Variants in SNX9 observed in about 807,000 individuals in gnomAD.
SNX9 encodes sorting nexin 9.
Under a neutral mutation model 89.4 loss-of-function variants are expected in SNX9, and 44 were observed. The ratio of observed to expected loss-of-function variants is 0.49; its 90% CI spans 0.39 to 0.63. The LOEUF (loss-of-function observed/expected upper bound fraction) is 0.63, where lower values mean the gene tolerates loss of function less well. Among genes scored for constraint, SNX9 ranks in the 30% least tolerant of loss-of-function variants. The pLI, the probability that SNX9 is intolerant of heterozygous loss-of-function variation, is 0.00. For missense variants in SNX9, 578 were observed against 736.1 expected (o/e 0.79, Z 2.49); for synonymous variants, 236 against 247.8 (o/e 0.95, Z 0.45).
intron 6 of SNX9, among the ~76,000 whole-genome samples, chr6:157,904,728 A>T (rs565828328): frequency 6.6e-6 from 1 of 152,292 alleles, no homozygotes; most frequent in African/African-American, 2.4e-5. Context: ...AATAAAATAG[A>T]GTAATTAATA....
At chr6:157,825,163 G>A (rs1367513961) in intron 1 of SNX9, among the ~76,000 whole-genome samples, 2 of 152,134 alleles carry the variant, frequency 1.3e-5, no homozygotes, top group Non-Finnish European at 2.9e-5. Flanking sequence ...CAGGAGAATC[G>A]CTTGAACCCG....
At chr6:157,825,118 C>T (rs1293393189) in intron 1 of SNX9, among the ~76,000 whole-genome samples, 1 of 152,054 alleles carries the variant, frequency 6.6e-6, no homozygotes, top group Non-Finnish European at 1.5e-5. Flanking sequence ...CGTGGTGGCG[C>T]GCGCCTGTAG....
intron 4 of SNX9, among the ~76,000 whole-genome samples, chr6:157,886,031 G>A (rs1443025680): frequency 6.6e-6 from 1 of 152,180 alleles, no homozygotes; most frequent in Non-Finnish European, 1.5e-5. Flanking sequence ...TAGTTACGAT[G>A]GAGACAGACA....
At chr6:157,924,832 G>T (rs978808354) in intron 10 of SNX9, among the ~76,000 whole-genome samples, 14 of 152,198 alleles carry the variant, frequency 9.2e-5, no homozygotes, top group Non-Finnish European at 1.8e-4. Flanking sequence ...AACCTGGGGG[G>T]TTTATTATAC....
chr6:157,851,155 G>C (rs1274281372), intron 1 of SNX9, among the ~76,000 whole-genome samples: 2 of 151,894 alleles, frequency 1.3e-5, no homozygotes, highest in African/African-American at 4.8e-5. Context: ...CTGCTCAGAA[G>C]GCTGAGGCAG....
chr6:157,870,032 CAT>C (rs1017045616), intron 2 of SNX9, among the ~76,000 whole-genome samples: 42 of 151,902 alleles, frequency 2.8e-4, no homozygotes, highest in African/African-American at 9.2e-4. Context: ...TGCTCACACA[CAT>C]AGGCAGCACT....
At chr6:157,911,387 G>A (rs1783340623) in intron 9 of SNX9, among the ~76,000 whole-genome samples, 1 of 152,188 alleles carries the variant, frequency 6.6e-6, no homozygotes, top group African/African-American at 2.4e-5. Flanking sequence ...AAGACAAGAG[G>A]CGGTGGAATT....
intron 4 of SNX9, among the ~76,000 whole-genome samples, chr6:157,893,855 AAAT>A: frequency 6.6e-6 from 1 of 152,170 alleles, no homozygotes; most frequent in East Asian, 1.9e-4. Flanking sequence ...TTATACATAA[AAAT>A]AAACAGCTAA....
Position 157,873,043 on chromosome 6 carries a change from C to G in SNX9, c.100-59C>G, listed in dbSNP as rs147105155. ...ATAACAATTCCTCCACACAAAATTTCTCCAGGAAATCTCAACTGTAATCTT... is the reference window on the plus strand; with the variant it reads ...ATAACAATTCCTCCACACAAAATTTGTCCAGGAAATCTCAACTGTAATCTT... On this transcript the variant is annotated intron_variant, in intron 2 of 17. Transcript: ENST00000392185. 9.8e-3 allele frequency: 13,737 copies of G among 1,400,830 alleles called. 96 individuals carry two copies. The highest frequency in any genetic ancestry group is 0.012 in the Non-Finnish European group (12,234 of 1,047,062). The allele number at this position is 1,400,830 out of a possible 1,614,324, so 86.8% of individuals were successfully genotyped here.
At chr6:157,911,882 T>C (rs1413002934) in intron 9 of SNX9, among the ~76,000 whole-genome samples, 1 of 152,228 alleles carries the variant, frequency 6.6e-6, no homozygotes, top group Admixed American at 6.5e-5. Context: ...CAAATTGTCA[T>C]AGCAAAATTG....
intron 9 of SNX9, among the ~76,000 whole-genome samples, chr6:157,911,815 CTT>C (rs757206487): frequency 1.3e-5 from 2 of 152,132 alleles, no homozygotes; most frequent in East Asian, 3.8e-4. Flanking sequence ...GAGATGGAAA[CTT>C]TTGTTTTAAA....
chr6:157,852,891 A>G (rs1361776967), intron 1 of SNX9, among the ~76,000 whole-genome samples: 1 of 152,072 alleles, frequency 6.6e-6, no homozygotes, highest in African/African-American at 2.4e-5. Context: ...TTTGTCATAC[A>G]TTTTATTTCC....
chr6:157,921,555 A>G lies in SNX9; in HGVS notation c.974A>G (p.Lys325Arg), dbSNP rs781739514. 6.2e-7 allele frequency: 1 copy of G among 1,613,860 alleles called. No homozygotes were observed. The highest frequency in any genetic ancestry group is 8.5e-7 in the Non-Finnish European group (1 of 1,179,786). The change falls in exon 10 of 18, where the codon AAA becomes AGA. Residue 325 changes from lysine to arginine, a missense_variant. This residue lies in a region of SNX9 where 348 missense variants were observed against 491.4 expected (regional missense o/e 0.71). Transcript: ENST00000392185. ...VTGRFEEEFI[K>R]MRMERLQAWM... ...GGCCGCTTTGAAGAGGAATTTATCA[A>G]AATGCGCATGGAGAGACTTCAGGCC...
chr6:157,938,503 CTT>C, intron 15 of SNX9, 128 bp from the exon 16 acceptor site: 1 of 586,084 alleles, frequency 1.7e-6, no homozygotes, highest in Non-Finnish European at 2.9e-6. Flanking sequence ...GCTTTCCTCT[CTT>C]CTTATTTTGT....
intron 2 of SNX9, among the ~76,000 whole-genome samples, chr6:157,867,980 C>T (rs1782303074): frequency 6.6e-6 from 1 of 152,092 alleles, no homozygotes; most frequent in Non-Finnish European, 1.5e-5. Flanking sequence ...CATAGTTGTC[C>T]TGGAACATGG....
chr6:157,872,395 C>T (rs921554021), intron 2 of SNX9, among the ~76,000 whole-genome samples: 5 of 152,104 alleles, frequency 3.3e-5, no homozygotes, highest in Admixed American at 3.3e-4. Context: ...CATAACAATC[C>T]TAAAACTTAC....
rs1562614634 is a variant in SNX9, at chr6:157,909,915, A to G, written c.839A>G (p.Asn280Ser). The change falls in exon 9 of 18, where the codon AAT becomes AGT. Residue 280 changes from asparagine (N) to serine (S), a missense_variant. Coordinates refer to ENST00000392185, the MANE Select transcript of SNX9 (RefSeq NM_016224.5). ...IEYQLTPTNTNRSVNHRYKHF... is the reference protein window; with the variant it reads ...IEYQLTPTNTSRSVNHRYKHF... ...CTTTCCCTTATTTTGTAGAACACTA[A>G]TCGATCTGTAAACCACAGGTATAAG... 1.2e-6 allele frequency: 2 copies of G among 1,614,096 alleles called. No individual in the cohort carries two copies. Among genetic ancestry groups the G allele is most frequent in the Non-Finnish European group, 1.7e-6 (2 of 1,179,980 alleles).
chr6:157,894,542 G>T (rs897101691), intron 4 of SNX9, among the ~76,000 whole-genome samples: 4 of 150,980 alleles, frequency 2.6e-5, no homozygotes, highest in African/African-American at 9.8e-5. Context: ...AGGGCTAATA[G>T]GTGCTAAGTG....
At chr6:157,928,564 CT>C in intron 11 of SNX9, 34 bp from the exon 12 acceptor site, 1 of 1,546,748 alleles carries the variant, frequency 6.5e-7, no homozygotes, top group Non-Finnish European at 8.8e-7. Flanking sequence ...GCTGTTTCTC[CT>C]GCTTATGTGA....
Sources: allele counts gnomAD v4.1 joint callset (sites outside exome capture counted in the v4.1 genomes callset), GRCh38; gene constraint gnomAD v4.1.1; regional missense constraint gnomAD v4.1.1; transcripts MANE v1.5; gene names NCBI Gene and HGNC (gene_info 2026-07-23, HGNC 2026-07-21).